The following CUX1 variants were observed in gnomAD, a reference collection of about 807,000 sequenced individuals.
CUX1 encodes the protein protein CASP.
Under a neutral mutation model 158.8 loss-of-function variants are expected in CUX1, and 31 were observed. The observed-to-expected ratio is 0.20, with a 90% CI of 0.15 to 0.26. The LOEUF (loss-of-function observed/expected upper bound fraction) is 0.26. CUX1 is among the 10% of genes least tolerant of loss of function. The pLI, the probability that CUX1 is intolerant of heterozygous loss-of-function variation, is 1.00. For missense variants in CUX1, 1,589 were observed against 2,014.6 expected (o/e 0.79, Z 4.04); for synonymous variants, 879 against 862.1 (o/e 1.02, Z -0.34).
Position 102,196,847 on chromosome 7 carries a change from C to T in CUX1, c.1436C>T (p.Ala479Val), listed in dbSNP as rs782074270. Reference protein sequence around the residue: ...SLPLASTGKFALNSLLQRQLM... With the variant: ...SLPLASTGKFVLNSLLQRQLM... ...CCCCTGGCTTCTACAGGAAAATTTG[C>T]ACTAAACTCTCTTCTCCAGCGGCAG... Residue 479 changes from alanine to valine, a missense_variant, in exon 15 of 24, where the codon GCA (alanine) becomes GTA (valine). Coordinates refer to ENST00000292535, the MANE Select transcript of CUX1 (RefSeq NM_181552.4). 4 of 1,614,198 alleles carry T rather than the reference C, an allele frequency of 2.5e-6. No homozygotes were observed. The highest frequency in any genetic ancestry group is 2.2e-5 in the South Asian group (2 of 91,088).
intron 2 of CUX1, among the ~76,000 whole-genome samples, chr7:101,949,511 CTTTT>C (rs796728203): frequency 3.7e-5 from 5 of 136,168 alleles, no homozygotes; most frequent in African/African-American, 1.3e-4. Flanking sequence ...AGAGTGCTTG[CTTTT>C]TTTTTTTTTC....
At chr7:101,882,896 T>G (rs1584871539) in intron 1 of CUX1, among the ~76,000 whole-genome samples, 1 of 152,202 alleles carries the variant, frequency 6.6e-6, no homozygotes, top group East Asian at 1.9e-4. Flanking sequence ...GCCTTGGCTG[T>G]CCTGGGATTT....
chr7:101,891,663 A>G (rs1172979071), intron 1 of CUX1, among the ~76,000 whole-genome samples: 2 of 152,226 alleles, frequency 1.3e-5, no homozygotes, highest in Non-Finnish European at 1.5e-5. Context: ...AGACGCACTC[A>G]TAATCAGAAA....
intron 23 of CUX1, among the ~76,000 whole-genome samples, chr7:102,247,857 G>C (rs945432004): frequency 2.0e-5 from 3 of 152,074 alleles, no homozygotes; most frequent in African/African-American, 7.2e-5. Context: ...GTGGCCGGAC[G>C]CAGTGGCTCA....
intron 2 of CUX1, among the ~76,000 whole-genome samples, chr7:101,965,305 C>T (rs1253852523): frequency 1.3e-5 from 2 of 152,080 alleles, no homozygotes; most frequent in East Asian, 3.9e-4. Flanking sequence ...TTTGTTCCTC[C>T]CTAGTGCAAA....
At chr7:102,258,600 G>T (rs782368263), downstream of CUX1, among the ~76,000 whole-genome samples, 5 of 152,176 alleles carry the variant, frequency 3.3e-5, no homozygotes, top group Non-Finnish European at 7.3e-5. Context: ...TGTCATATAG[G>T]CTTGCTGTGG....
At chr7:101,843,383 C>CTTATTTT (rs1795363329) in intron 1 of CUX1, among the ~76,000 whole-genome samples, 1 of 152,092 alleles carries the variant, frequency 6.6e-6, no homozygotes, top group Non-Finnish European at 1.5e-5. Flanking sequence ...TTTCTGCCAT[C>CTTATTTT]TTATTTTGTG....
upstream of CUX1, chr7:101,817,252 G>T: frequency 3.0e-6 from 3 of 984,818 alleles, no homozygotes; most frequent in Non-Finnish European, 3.6e-6. This position sits in a 1 kb window ranked among gnomAD's most constrained non-coding sequence, Gnocchi z 4.1. Flanking sequence ...CCGCGCGCCT[G>T]GGGGCTCCGG....
intron 20 of CUX1, among the ~76,000 whole-genome samples, chr7:102,216,680 CACT>C (rs782649282): frequency 0.023 from 816 of 36,250 alleles, 14 homozygotes; most frequent in Non-Finnish European, 0.044. Flanking sequence ...CACACACACA[CACT>C]CCCCCACACA....
At chr7:102,150,799 G>A (rs562946859) in intron 8 of CUX1, among the ~76,000 whole-genome samples, 14 of 152,190 alleles carry the variant, frequency 9.2e-5, no homozygotes, top group South Asian at 4.1e-4. Context: ...CTGATTGAAC[G>A]AACTACATAT....
intron 2 of CUX1, among the ~76,000 whole-genome samples, chr7:101,918,715 A>G (rs1273113744): frequency 2.0e-5 from 3 of 152,250 alleles, no homozygotes; most frequent in Admixed American, 6.5e-5. Flanking sequence ...GGAAAGTCCA[A>G]GACGAGACCC....
chr7:102,283,028 G>A, exon 23 of CUX1: 1 of 1,611,882 alleles, frequency 6.2e-7, no homozygotes, highest in Non-Finnish European at 8.5e-7. Flanking sequence ...CAGGTTCGCT[G>A]ACCACCTGCA....
At chr7:101,833,863 T>A (rs1417087305) in intron 1 of CUX1, among the ~76,000 whole-genome samples, 1 of 152,106 alleles carries the variant, frequency 6.6e-6, no homozygotes, top group Non-Finnish European at 1.5e-5. Context: ...CACTGCAATT[T>A]TCCCCCCCAA....
intron 5 of CUX1, among the ~76,000 whole-genome samples, chr7:102,103,780 G>T (rs911645742): frequency 6.6e-6 from 1 of 151,110 alleles, no homozygotes; most frequent in Non-Finnish European, 1.5e-5. Flanking sequence ...TGTAATTTGT[G>T]TGGGTACATA....
chr7:102,030,241 AC>A (rs1460091018), intron 3 of CUX1, among the ~76,000 whole-genome samples: 2 of 151,584 alleles, frequency 1.3e-5, no homozygotes, highest in African/African-American at 4.8e-5. Context: ...CTCATTCCTG[AC>A]CTCAGGTGAT....
intron 8 of CUX1, among the ~76,000 whole-genome samples, chr7:102,148,286 C>T (rs1356086206): frequency 6.6e-6 from 1 of 152,132 alleles, no homozygotes; most frequent in Non-Finnish European, 1.5e-5. Flanking sequence ...CACCTGTGAT[C>T]CTAACACCTT....
chr7:102,136,213 A>G (rs782441197), intron 8 of CUX1, among the ~76,000 whole-genome samples: 7 of 151,992 alleles, frequency 4.6e-5, no homozygotes, highest in African/African-American at 9.7e-5. Flanking sequence ...ATTTCATTCT[A>G]TCAGTCTAGT....
intron 21 of CUX1, among the ~76,000 whole-genome samples, chr7:102,228,341 T>C (rs947866306): frequency 6.6e-6 from 1 of 152,046 alleles, no homozygotes; most frequent in African/African-American, 2.4e-5. Flanking sequence ...CTGGGCCACA[T>C]AGCAAGACCC....
At chr7:102,089,435 A>G (rs1644354939) in intron 4 of CUX1, among the ~76,000 whole-genome samples, 1 of 152,206 alleles carries the variant, frequency 6.6e-6, no homozygotes, top group Non-Finnish European at 1.5e-5. Flanking sequence ...CAGTTAAGTT[A>G]CTTGCAGGTC....
Sources: gnomAD v4.1 joint callset for allele counts (sites outside exome capture counted in the v4.1 genomes callset) on GRCh38, gnomAD v4.1.1 for gene constraint, Gnocchi (gnomAD v3.1) non-coding constraint, MANE v1.5 for transcripts, NCBI Gene and HGNC (gene_info 2026-07-23, HGNC 2026-07-21) for gene names.